GRAMD1A: variants seen among roughly 807,000 people sequenced by gnomAD.
GRAMD1A encodes GRAM domain containing 1A.
Under a neutral mutation model 92.0 loss-of-function variants are expected in GRAMD1A, and 50 were observed. The observed-to-expected ratio is 0.54, with a 90% CI of 0.43 to 0.69. The LOEUF is 0.69. Among genes scored for constraint, GRAMD1A ranks in the 30% least tolerant of loss-of-function variants. GRAMD1A has a pLI of 0.00. For synonymous variants in GRAMD1A, 405 were observed against 403.6 expected (o/e 1.00, Z -0.04); for missense variants, 819 against 978.9 (o/e 0.84, Z 2.18).
chr19:34,995,576 T>C (rs112850189), upstream of GRAMD1A, among the ~76,000 whole-genome samples: 215 of 104,594 alleles, frequency 2.1e-3, 1 homozygote, highest in South Asian at 3.7e-3. Context: ...CACGGGTTTT[T>C]TTTTTTTTTT....
intron 1 of GRAMD1A, among the ~76,000 whole-genome samples, chr19:35,003,703 A>G (rs978552950): frequency 1.1e-4 from 17 of 152,152 alleles, no homozygotes; most frequent in South Asian, 2.1e-4. Context: ...CCTGCTCACC[A>G]GTGCTGTCTG....
intron 19 of GRAMD1A, 59 bp downstream of exon 19, chr19:35,023,606 A>T (rs1425638973): frequency 1.4e-6 from 2 of 1,474,040 alleles, no homozygotes; most frequent in African/African-American, 2.8e-5. Flanking sequence ...CCTGTGTTGA[A>T]ACCCCACCGT....
At position 35,019,210 on chromosome 19, in the gene GRAMD1A, G is replaced by C. The variant is rs756463809; in HGVS notation, c.1233G>C (p.Trp411Cys). The change falls in exon 12 of 20, where the codon TGG becomes TGC. Residue 411 changes from tryptophan to cysteine, a missense_variant. By Grantham distance (215) the Trp-to-Cys change is radical. Around this residue, in one of 3 missense-constraint regions of GRAMD1A, gnomAD observed 577 missense variants for 674.6 expected, o/e 0.86. Transcript: ENST00000317991. ...CTCTAGACGTGACGCTGAGCCCCTG[G>C]AGTGGGGACAGCAAGTGCCACCAGC... ...CKFTDVTLSP[W>C]SGDSKCHQRR... is the part of the protein sequence containing the mutation. The C allele has an allele frequency of 1.9e-6, 3 of 1,611,686 alleles. No homozygotes were observed. The South Asian group carries it at 3.3e-5, about 18-fold the overall frequency.
In GRAMD1A at chr19:35,013,401, C is replaced by T. The variant is rs144426841; in HGVS notation, c.719+33C>T. 3,167 of 1,504,340 alleles carry T rather than the reference C, an allele frequency of 2.1e-3. 14 individuals are homozygous for T. Among genetic ancestry groups the T allele is most frequent in the Middle Eastern group, 4.8e-3 (28 of 5,894 alleles). 93.2% of individuals were successfully genotyped at this position (1,504,340 alleles called of 1,614,324 possible). The stretch of plus-strand genomic sequence containing the variant: ...GGAGGTCAAAGGAGGTTGAAGGGTT[C>T]GGGGGAGAACAGGACGGTCGGCGTG... On this transcript the variant is annotated intron_variant, in intron 8 of 19. Transcript: ENST00000317991. The surrounding 1 kb of genome is among the most constrained non-coding windows in gnomAD (Gnocchi z 4.9).
upstream of GRAMD1A, among the ~76,000 whole-genome samples, chr19:34,996,576 G>A (rs970798095): frequency 6.6e-6 from 1 of 152,220 alleles, no homozygotes; most frequent in African/African-American, 2.4e-5. Flanking sequence ...GGAGGCCGAA[G>A]CTGGTGGATC....
At chr19:35,016,137 C>G (rs756762592) in intron 11 of GRAMD1A, among the ~76,000 whole-genome samples, 170 bp downstream of exon 11, 1 of 152,160 alleles carries the variant, frequency 6.6e-6, no homozygotes, top group Non-Finnish European at 1.5e-5. Flanking sequence ...GCTGGGTAGG[C>G]TTGGGCAGAG....
In GRAMD1A at chr19:35,026,214, C is replaced by A; in HGVS notation, c.*73C>A. 1.2e-6 allele frequency: 1 copy of A among 806,740 alleles called. No individual in the cohort carries two copies. The highest frequency in any genetic ancestry group is 2.1e-6 in the Non-Finnish European group (1 of 467,398). 50.0% of individuals were successfully genotyped at this position (806,740 alleles called of 1,614,324 possible). A position where few individuals can be genotyped will look rare whatever the true frequency, so the allele number is the denominator to read the frequency against. ...AGAGCCTCGGCGGCCACTGCTGGCACGGTGTGAGCGCCAGGCATCTCCCAC... is the reference window on the plus strand; with the variant it reads ...AGAGCCTCGGCGGCCACTGCTGGCAAGGTGTGAGCGCCAGGCATCTCCCAC... On this transcript the variant is annotated 3_prime_UTR_variant, in exon 20 of 20. Coordinates refer to ENST00000317991, the MANE Select transcript of GRAMD1A (RefSeq NM_020895.5).
intron 16 of GRAMD1A, 35 bp downstream of exon 16, chr19:35,022,073 C>T (rs370032977): frequency 4.1e-6 from 6 of 1,474,594 alleles, no homozygotes; most frequent in East Asian, 4.6e-5. Context: ...CCACACAGGC[C>T]TGAACCTGCC....
chr19:35,011,634 C>A, intron 7 of GRAMD1A, 80 bp downstream of exon 7: 1 of 998,372 alleles, frequency 1.0e-6, no homozygotes, highest in Non-Finnish European at 1.6e-6. Flanking sequence ...ACTTGCGGAG[C>A]TGGAGGCAGC....
chr19:34,999,418 A>C (rs1568312328), upstream of GRAMD1A: 2 of 152,064 alleles, frequency 1.3e-5, no homozygotes, highest in African/African-American at 4.8e-5. Flanking sequence ...CTGGGGAGCC[A>C]CAGCCCCGGA....
intron 11 of GRAMD1A, 93 bp downstream of exon 11, chr19:35,016,060 CAGTGGGGCAAGGCG>C: frequency 7.3e-7 from 1 of 1,370,302 alleles, no homozygotes; most frequent in South Asian, 1.3e-5. Flanking sequence ...CACTGCTAGC[CAGTGGGGCAAGGCG>C]AGGTGGTGAA....
chr19:35,014,322 A>G lies in GRAMD1A; in HGVS notation c.1004A>G (p.Asp335Gly). The change falls in exon 10 of 20, where the codon GAT becomes GGT. Residue 335 changes from aspartate to glycine, a missense_variant. Coordinates refer to ENST00000317991, the MANE Select transcript of GRAMD1A (RefSeq NM_020895.5). ...GGGCCCACCACCCTGGGCCCCTTGG[A>G]TCTGCTGCCCAGTGAGGAGCTATTG... is the stretch of plus-strand genomic sequence containing the variant. ...PDGPTTLGPL[D>G]LLPSEELLTD... The G allele has an allele frequency of 6.2e-7, 1 of 1,614,138 alleles. No homozygotes were observed. The highest frequency in any genetic ancestry group is 2.2e-5 in the East Asian group (1 of 44,878).
intron 6 of GRAMD1A, 141 bp downstream of exon 6, chr19:35,010,520 C>T: frequency 3.0e-6 from 2 of 656,506 alleles, no homozygotes; most frequent in Non-Finnish European, 2.7e-6. Context: ...GCCCAGGCGC[C>T]CATCACCCCT....
Position 35,014,231 on chromosome 19 carries a change from G to C in GRAMD1A, c.913G>C (p.Ala305Pro), listed in dbSNP as rs754745864. Residue 305 changes from alanine to proline, a missense_variant, in exon 10 of 20, where the codon GCC becomes CCC. Coordinates refer to ENST00000317991, the MANE Select transcript of GRAMD1A (RefSeq NM_020895.5). The part of the protein sequence containing the change: ...KEEQVDSQPD[A>P]SSSQTVTPVA... ...GGAGCAGGTAGACAGCCAGCCAGAC[G>C]CCTCCTCCAGCCAGACAGTGACCCC... The C allele has an allele frequency of 6.2e-6, 10 of 1,613,930 alleles. No individual in the cohort carries two copies. In the African/African-American group the frequency reaches 1.2e-4, roughly 19 times the overall value.
At chr19:35,023,939 A>G in intron 19 of GRAMD1A, 1 of 165,568 alleles carries the variant, frequency 6.0e-6, no homozygotes, top group Admixed American at 6.1e-5. Flanking sequence ...CTGGGGTCCC[A>G]GGCCTACCCC....
chr19:35,021,343 T>G lies in GRAMD1A; in HGVS notation c.1476-159T>G, dbSNP rs1032662834. Among the ~76,000 whole-genome samples, 14 of 152,006 alleles carry G rather than the reference T, an allele frequency of 9.2e-5. No homozygotes were observed. The highest frequency in any genetic ancestry group is 3.4e-4 in the African/African-American group (14 of 41,378). On this transcript the variant is annotated intron_variant, in intron 13 of 19. Coordinates refer to ENST00000317991, the MANE Select transcript of GRAMD1A (RefSeq NM_020895.5). The surrounding 1 kb of genome is among the most constrained non-coding windows in gnomAD (Gnocchi z 5.3). ...GGCTGGGCGGGTGGTGTATGGGGTATCCAGGGAAGCCATGGGGGGTAGGGA... is the reference window on the plus strand; with the variant it reads ...GGCTGGGCGGGTGGTGTATGGGGTAGCCAGGGAAGCCATGGGGGGTAGGGA...
intron 1 of GRAMD1A, among the ~76,000 whole-genome samples, chr19:35,001,512 C>G (rs1426961328): frequency 6.6e-6 from 1 of 152,134 alleles, no homozygotes; most frequent in Non-Finnish European, 1.5e-5. Context: ...CCCATTGTGA[C>G]TTAGTGGTGT....
chr19:35,008,667 G>C (rs555842467), intron 1 of GRAMD1A, among the ~76,000 whole-genome samples: 1 of 151,972 alleles, frequency 6.6e-6, no homozygotes, highest in South Asian at 2.1e-4. Flanking sequence ...AAATATAAAA[G>C]CTAGCCATGT....
rs777595203 is a variant in GRAMD1A, at chr19:35,019,249, G to A, written c.1272G>A (p.Thr424=). 6.2e-6 allele frequency: 10 copies of A among 1,613,514 alleles called. No homozygotes were observed. Among genetic ancestry groups the A allele is most frequent in the Admixed American group, 5.0e-5 (3 of 59,984 alleles). The change falls in exon 12 of 20, where the codon ACG becomes ACA. Residue 424 remains threonine (T), a synonymous_variant. Coordinates refer to ENST00000317991, the MANE Select transcript of GRAMD1A (RefSeq NM_020895.5). ...DSKCHQRRVL[T]YTIPISNPLG... is the part of the protein sequence containing the mutation. ...AGTGCCACCAGCGCCGGGTGCTGACGTACACCATCCCCATCAGCAACCCAC... is the reference window on the plus strand; with the variant it reads ...AGTGCCACCAGCGCCGGGTGCTGACATACACCATCCCCATCAGCAACCCAC...
Sources: gnomAD v4.1 joint callset for allele counts (sites outside exome capture counted in the v4.1 genomes callset) on GRCh38, gnomAD v4.1.1 for gene constraint, gnomAD v4.1.1 regional missense constraint, Gnocchi (gnomAD v3.1) non-coding constraint, MANE v1.5 for transcripts, NCBI Gene and HGNC (gene_info 2026-07-23, HGNC 2026-07-21) for gene names.